Variants in EPHA6 observed in about 807,000 individuals in gnomAD.
EPHA6 encodes the protein ephrin type-A receptor 6.
EPHA6 carries 50 observed loss-of-function variants against 112.0 expected under a neutral mutation model. The ratio of observed to expected loss-of-function variants is 0.45; its 90% CI spans 0.36 to 0.56. The LOEUF is 0.56. Ranked by LOEUF, EPHA6 falls within the 20% of genes least tolerant of loss-of-function variation. The probability of loss-of-function intolerance (pLI) is 0.00; values close to 1 mark genes in which losing one functional copy is unlikely to be tolerated. For synonymous variants in EPHA6, 529 were observed against 490.7 expected (o/e 1.08, Z -1.03); for missense variants, 1,280 against 1,417.4 (o/e 0.90, Z 1.56).
intron 12 of EPHA6, among the ~76,000 whole-genome samples, chr3:97,597,037 A>T (rs912540686): frequency 6.6e-6 from 1 of 151,432 alleles, no homozygotes; most frequent in African/African-American, 2.4e-5. Flanking sequence ...CAAGTTTAAG[A>T]TATCAATTAT....
chr3:97,152,426 TTAA>T (rs1216351708), intron 3 of EPHA6, among the ~76,000 whole-genome samples: 1 of 149,204 alleles, frequency 6.7e-6, no homozygotes, highest in Admixed American at 6.7e-5. Context: ...AATATTATTA[TTAA>T]TAAATAATAT....
chr3:97,415,933 G>GA (rs1029279550), intron 6 of EPHA6, among the ~76,000 whole-genome samples: 2 of 151,862 alleles, frequency 1.3e-5, no homozygotes, highest in African/African-American at 4.8e-5. Context: ...TTTTGCTTCA[G>GA]AAAAAAATCT....
At position 97,391,569 on chromosome 3, in the gene EPHA6, A is replaced by G. The variant is rs531004634; in HGVS notation, c.1607-13581A>G. On this transcript the variant is annotated intron_variant, in intron 5 of 17. Coordinates refer to ENST00000389672, the MANE Select transcript of EPHA6 (RefSeq NM_001080448.3). ...TTATTCAATGTATGTGAAAGAGCAT[A>G]GGAAGTAGAAAAGTGCGGTACAATA... Among the ~76,000 whole-genome samples, 3 of 151,970 alleles carry G rather than the reference A, an allele frequency of 2.0e-5. No individual in the cohort carries two copies. The South Asian group carries it at 6.2e-4, about 31-fold the overall frequency.
chr3:97,406,405 T>C (rs980682147), intron 6 of EPHA6, among the ~76,000 whole-genome samples: 2 of 152,068 alleles, frequency 1.3e-5, no homozygotes, highest in Admixed American at 1.3e-4. Context: ...CAAAAGGAAG[T>C]CAAACTCATC....
At position 97,228,763 on chromosome 3, in the gene EPHA6, A is replaced by C. The variant is rs1456055791; in HGVS notation, c.1270+2344A>C. ...GTAGGGGGGATTGCTGGATCAAATGATAGTTCTCCTTTTAGTTCTTTAAGG... is the reference window on the plus strand; with the variant it reads ...GTAGGGGGGATTGCTGGATCAAATGCTAGTTCTCCTTTTAGTTCTTTAAGG... On this transcript the variant is annotated intron_variant, in intron 4 of 17. Transcript: ENST00000389672. Among the ~76,000 whole-genome samples the C allele has an allele frequency of 2.0e-5, 3 of 152,206 alleles. No individual in the cohort carries two copies. The East Asian group carries it at 5.8e-4, about 29-fold the overall frequency.
rs1325190702 is a variant in EPHA6 at position 96,994,730 on chromosome 3, T to TAGAG, written c.1114+6738_1114+6739insGAGA. Among the ~76,000 whole-genome samples, 145 of 82,814 alleles carry TAGAG rather than the reference T, an allele frequency of 1.8e-3. 1 individual carries two copies. The highest frequency in any genetic ancestry group is 8.4e-3 in the African/African-American group (116 of 13,892). 54.3% of individuals were successfully genotyped at this position (82,814 alleles called of 152,430 possible). A position where few individuals can be genotyped will look rare whatever the true frequency, so the allele number is the denominator to read the frequency against. ...GTGTGTATATATATATATATATATA[T>TAGAG]ATAGAGAGAGAGAGAGAGAGAGAGA... On this transcript the variant is annotated intron_variant, in intron 3 of 17. Coordinates refer to ENST00000389672, the MANE Select transcript of EPHA6 (RefSeq NM_001080448.3).
chr3:97,088,344 A>G (rs1438478252), intron 3 of EPHA6, among the ~76,000 whole-genome samples: 1 of 152,154 alleles, frequency 6.6e-6, no homozygotes. Flanking sequence ...TTGATGGACA[A>G]TGAATTAATC....
At chr3:97,521,131 A>G (rs1037302028) in intron 10 of EPHA6, among the ~76,000 whole-genome samples, 11 of 149,846 alleles carry the variant, frequency 7.3e-5, no homozygotes, top group Admixed American at 5.9e-4. Context: ...TGTATTACTT[A>G]TCTGTGTTCT....
chr3:96,904,542 GCACATGTATA>G (rs2038819049), intron 2 of EPHA6, among the ~76,000 whole-genome samples: 1 of 151,136 alleles, frequency 6.6e-6, no homozygotes, highest in Non-Finnish European at 1.5e-5. Context: ...CACCAACATG[GCACATGTATA>G]CATATGTAAC....
At chr3:96,935,544 A>G (rs1051402069) in intron 2 of EPHA6, among the ~76,000 whole-genome samples, 2 of 150,050 alleles carry the variant, frequency 1.3e-5, no homozygotes, top group Non-Finnish European at 3.0e-5. Flanking sequence ...ATATTTAAAC[A>G]TTTTTGAAAA....
intron 5 of EPHA6, among the ~76,000 whole-genome samples, chr3:97,345,150 T>C (rs534040288): frequency 2.0e-5 from 3 of 152,262 alleles, no homozygotes; most frequent in Non-Finnish European, 4.4e-5. Context: ...ACATTGAGAA[T>C]ATGTCCAAAT....
chr3:97,247,800 A>G (rs984220168), intron 5 of EPHA6, among the ~76,000 whole-genome samples: 4 of 151,934 alleles, frequency 2.6e-5, no homozygotes, highest in Non-Finnish European at 5.9e-5. Context: ...GGCCACAAAT[A>G]GGGAAAAGAA....
At chr3:97,456,344 GC>G (rs1560027935) in intron 7 of EPHA6, among the ~76,000 whole-genome samples, 1 of 151,978 alleles carries the variant, frequency 6.6e-6, no homozygotes, top group East Asian at 1.9e-4. Context: ...TAGTCACCAT[GC>G]TGTATATCAG....
chr3:97,205,558 C>A (rs964967909), intron 3 of EPHA6, among the ~76,000 whole-genome samples: 5 of 151,874 alleles, frequency 3.3e-5, no homozygotes, highest in African/African-American at 7.2e-5. Context: ...GAATGGGAAA[C>A]CTATGTAAAC....
At chr3:97,165,874 A>AC (rs1559768155) in intron 3 of EPHA6, among the ~76,000 whole-genome samples, 2 of 152,164 alleles carry the variant, frequency 1.3e-5, no homozygotes, top group African/African-American at 4.8e-5. Context: ...TAAGTATTCA[A>AC]TAAAAAATTG....
At chr3:96,935,753 T>TTATA (rs59358202) in intron 2 of EPHA6, among the ~76,000 whole-genome samples, 5 of 146,820 alleles carry the variant, frequency 3.4e-5, no homozygotes, top group African/African-American at 1.0e-4. Context: ...TATGCACACA[T>TTATA]TATATATATG....
chr3:96,879,634 T>C (rs1287387536), intron 2 of EPHA6, among the ~76,000 whole-genome samples: 3 of 152,166 alleles, frequency 2.0e-5, no homozygotes, highest in Non-Finnish European at 4.4e-5. Context: ...GTTCTTCCCA[T>C]CCATGAGCAT....
chr3:97,399,544 T>G (rs1194923784), intron 5 of EPHA6, among the ~76,000 whole-genome samples: 1 of 151,668 alleles, frequency 6.6e-6, no homozygotes, highest in Non-Finnish European at 1.5e-5. Context: ...CTAATTTACA[T>G]TCCCACTGGC....
intron 12 of EPHA6, among the ~76,000 whole-genome samples, chr3:97,599,301 T>C (rs1359425380): frequency 6.6e-6 from 1 of 150,982 alleles, no homozygotes; most frequent in Non-Finnish European, 1.5e-5. Flanking sequence ...TTGTCTTTTG[T>C]TGCCATTGCT....
Sources: gnomAD v4.1 joint callset for allele counts (sites outside exome capture counted in the v4.1 genomes callset) on GRCh38, gnomAD v4.1.1 for gene constraint, MANE v1.5 for transcripts, NCBI Gene and HGNC (gene_info 2026-07-23, HGNC 2026-07-21) for gene names.